CFAP69: variants seen among roughly 807,000 people sequenced by gnomAD.
CFAP69 encodes cilia- and flagella-associated protein 69.
Under a neutral mutation model 123.0 loss-of-function variants are expected in CFAP69, and 92 were observed. The observed-to-expected ratio is 0.75, with a 90% CI of 0.63 to 0.89. The LOEUF (loss-of-function observed/expected upper bound fraction) is 0.89, where lower values mean the gene tolerates loss of function less well. Among genes scored for constraint, CFAP69 ranks in the 40% least tolerant of loss-of-function variants. The probability of loss-of-function intolerance (pLI) is 0.00; values close to 1 mark genes in which losing one functional copy is unlikely to be tolerated. For synonymous variants in CFAP69, 380 were observed against 364.3 expected, an observed-to-expected ratio of 1.04 and a Z score of -0.49; for missense variants, 1,067 against 1,096.9, an observed-to-expected ratio of 0.97 and a Z score of 0.39.
intron 9 of CFAP69, among the ~76,000 whole-genome samples, chr7:90,275,444 C>G (rs1003383488): frequency 2.0e-5 from 3 of 152,090 alleles, no homozygotes; most frequent in South Asian, 4.2e-4. Context: ...CTCTGGCTCT[C>G]TCCTTTATGG....
At position 90,268,283 on chromosome 7, in the gene CFAP69, C is replaced by T. The variant is rs745864940; in HGVS notation, c.434-3C>T. ...AAATAGCACCTGTTTATCTTTCTGG[C>T]AGGTGACTTAATGAAAATACCAAGT... On this transcript the variant is annotated splice_region_variant and splice_polypyrimidine_tract_variant and intron_variant, in intron 5 of 22. Coordinates refer to ENST00000389297, the MANE Select transcript of CFAP69 (RefSeq NM_001039706.3). 6.3e-7 allele frequency: 1 copy of T among 1,593,492 alleles called. No homozygotes were observed. The highest frequency in any genetic ancestry group is 8.6e-7 in the Non-Finnish European group (1 of 1,168,316).
rs1403341867 is a variant in CFAP69, at chr7:90,277,604, AG to A, written c.1155+271del. On this transcript the variant is annotated intron_variant, in intron 11 of 22. Transcript: ENST00000389297. Reference sequence around the variant, plus strand: ...TACAGTTAGATCTCTTGAATTAGACAGCATAAAATGAAAGAAGCTTCACATA... The same window carrying A: ...TACAGTTAGATCTCTTGAATTAGACACATAAAATGAAAGAAGCTTCACATA... Among the ~76,000 whole-genome samples, 7 of 152,304 alleles carry A rather than the reference AG, an allele frequency of 4.6e-5. No homozygotes were observed. In the East Asian group the frequency reaches 1.3e-3, roughly 29 times the overall value.
intron 22 of CFAP69, 95 bp downstream of exon 22, chr7:90,309,462 C>A: frequency 1.7e-6 from 1 of 584,496 alleles, no homozygotes; most frequent in Non-Finnish European, 2.9e-6. Context: ...TGAATTTTAC[C>A]CATTAAATGG....
chr7:90,263,914 C>T (rs1364448473), intron 4 of CFAP69, among the ~76,000 whole-genome samples: 2 of 151,180 alleles, frequency 1.3e-5, no homozygotes, highest in Non-Finnish European at 2.9e-5. Context: ...CACGGTGAAA[C>T]CCCATCTCTA....
rs1397548722 is a variant in CFAP69, at chr7:90,272,138, T to A, written c.860+180T>A. On this transcript the variant is annotated intron_variant, in intron 8 of 22. Transcript: ENST00000389297. The stretch of plus-strand genomic sequence containing the variant: ...GAATCTGCACAATAACAAGCCACAC[T>A]TTTCTATGTGGAAGGCTCTTGAAGT... 1.2e-5 allele frequency: 6 copies of A among 501,956 alleles called. No individual in the cohort carries two copies. In the South Asian group the frequency reaches 1.6e-4, roughly 13 times the overall value. The allele number at this position is 501,956 out of a possible 1,614,324, so 31.1% of individuals were successfully genotyped here.
Position 90,262,069 on chromosome 7 carries a change from T to C in CFAP69, c.356+13T>C. 8 of 1,462,922 alleles carry C rather than the reference T, an allele frequency of 5.5e-6. No homozygotes were observed. Among genetic ancestry groups the C allele is most frequent in the Non-Finnish European group, 5.7e-6 (6 of 1,059,632 alleles). 90.6% of individuals were successfully genotyped at this position (1,462,922 alleles called of 1,614,324 possible). ...TAAAACTGTGTGGGTAAGTTATCTT[T>C]CTTTAACTTTATTTTGTAGTAACAT... On this transcript the variant is annotated intron_variant, in intron 4 of 22. Coordinates refer to ENST00000389297, the MANE Select transcript of CFAP69 (RefSeq NM_001039706.3).
intron 12 of CFAP69, among the ~76,000 whole-genome samples, chr7:90,281,397 T>C (rs1239347591): frequency 6.6e-6 from 1 of 152,168 alleles, no homozygotes; most frequent in Non-Finnish European, 1.5e-5. Context: ...CCTTGCTATT[T>C]ATCAAGACCT....
intron 17 of CFAP69, chr7:90,300,287 A>G: frequency 1.1e-6 from 1 of 872,118 alleles, no homozygotes; most frequent in Non-Finnish European, 1.3e-6. Context: ...GTATTTAATT[A>G]TATTCTTTTA....
At chr7:90,319,945 C>T in the CFAP69 span, among the ~76,000 whole-genome samples, 5 of 152,166 alleles carry the variant, frequency 3.3e-5, no homozygotes, top group Non-Finnish European at 7.3e-5. Context: ...TGATTTCCAA[C>T]GTTCTGATCA....
the CFAP69 span, chr7:90,318,611 T>TG: frequency 1.3e-5 from 2 of 152,114 alleles, no homozygotes; most frequent in Admixed American, 1.3e-4. Flanking sequence ...TTGACTATTG[T>TG]ATCTAAAAAA....
intron 4 of CFAP69, among the ~76,000 whole-genome samples, chr7:90,264,107 ATATATATATATATATAT>A (rs1562855172): frequency 0.37 from 23,104 of 61,948 alleles, 5,900 homozygotes; most frequent in Non-Finnish European, 0.42. Context: ...AAAAAAAAAT[ATATATATATATATATAT>A]ATATATATAT....
At position 90,245,463 on chromosome 7, in the gene CFAP69, G is replaced by T; in HGVS notation, c.39G>T (p.Gln13His). The change falls in exon 1 of 23, where the codon CAG becomes CAT. Residue 13 changes from glutamine to histidine, a missense_variant. Coordinates refer to ENST00000389297, the MANE Select transcript of CFAP69 (RefSeq NM_001039706.3). ...AAGCCGGGGCGACCGCCGAGGCCCA[G>T]GAATCCGGCATCAGGAACAAGTCTA... Reference protein sequence around the residue: ...TEEAGATAEAQESGIRNKSSS... With the variant: ...TEEAGATAEAHESGIRNKSSS... 1 of 1,555,814 alleles carries T rather than the reference G, an allele frequency of 6.4e-7. No individual in the cohort carries two copies. The highest frequency in any genetic ancestry group is 8.7e-7 in the Non-Finnish European group (1 of 1,154,496).
intron 17 of CFAP69, chr7:90,302,795 A>G (rs1249685404): frequency 6.6e-6 from 1 of 152,064 alleles, no homozygotes; most frequent in Non-Finnish European, 1.5e-5. Context: ...TTCCTTGGCT[A>G]TTGGGGCTCT....
chr7:90,264,104 A>AAAAAAAT (rs1554354285), intron 4 of CFAP69, among the ~76,000 whole-genome samples: 2 of 48,884 alleles, frequency 4.1e-5, no homozygotes, highest in African/African-American at 1.4e-4. Context: ...AAAAAAAAAA[A>AAAAAAAT]ATATATATAT....
At chr7:90,298,228 G>T (rs1452539902) in intron 16 of CFAP69, among the ~76,000 whole-genome samples, 1 of 152,148 alleles carries the variant, frequency 6.6e-6, no homozygotes, top group Non-Finnish European at 1.5e-5. Flanking sequence ...AAGGAGCAAA[G>T]ATAAGCATTT....
chr7:90,268,470 G>A, intron 6 of CFAP69, 86 bp downstream of exon 6: 1 of 989,462 alleles, frequency 1.0e-6, no homozygotes. Context: ...GACAGACACA[G>A]TGGGCTCATA....
In CFAP69 at chr7:90,304,700, C is replaced by T. The variant is rs914356674; in HGVS notation, c.2189-44C>T. 3.2e-6 allele frequency: 5 copies of T among 1,566,840 alleles called. No individual in the cohort carries two copies. In the African/African-American group the frequency reaches 6.9e-5, roughly 21 times the overall value. Reference sequence around the variant, plus strand: ...ATAGATAGATAGATTCTTAGAATCACTTGCTCTGCTAAAGTAATTCTGTCT... The same window carrying T: ...ATAGATAGATAGATTCTTAGAATCATTTGCTCTGCTAAAGTAATTCTGTCT... On this transcript the variant is annotated intron_variant, in intron 18 of 22. Transcript: ENST00000389297.
At chr7:90,321,949 T>A in the CFAP69 span, among the ~76,000 whole-genome samples, 36 of 152,284 alleles carry the variant, frequency 2.4e-4, no homozygotes, top group South Asian at 6.8e-3. Context: ...GATGATCAGA[T>A]GGGGCTAGGG....
chr7:90,247,803 C>A (rs942923838), intron 1 of CFAP69, among the ~76,000 whole-genome samples: 6 of 152,150 alleles, frequency 3.9e-5, no homozygotes, highest in Admixed American at 1.3e-4. Context: ...CAAGATTGTG[C>A]CACTGCACTC....
Sources: allele counts gnomAD v4.1 joint callset (sites outside exome capture counted in the v4.1 genomes callset), GRCh38; gene constraint gnomAD v4.1.1; transcripts MANE v1.5; gene names NCBI Gene and HGNC (gene_info 2026-07-23, HGNC 2026-07-21).